Variants in SUZ12 observed in about 807,000 individuals in gnomAD.
SUZ12 encodes SUZ12 polycomb repressive complex 2 subunit, also known as polycomb protein SUZ12.
SUZ12 carries 17 observed loss-of-function variants against 87.3 expected under a neutral mutation model. The observed-to-expected ratio is 0.19, with a 90% CI of 0.13 to 0.29. The LOEUF is 0.29. SUZ12 is among the 10% of genes least tolerant of loss of function. The probability of loss-of-function intolerance (pLI) is 1.00; values close to 1 mark genes in which losing one functional copy is unlikely to be tolerated. For synonymous variants in SUZ12, 253 were observed against 312.4 expected, an observed-to-expected ratio of 0.81 and a Z score of 2.01; for missense variants, 526 against 912.2, an observed-to-expected ratio of 0.58 and a Z score of 5.45.
intron 10 of SUZ12, among the ~76,000 whole-genome samples, chr17:31,989,593 GT>G (rs11343645): frequency 0.24 from 35,917 of 149,216 alleles, 5,717 homozygotes; most frequent in African/African-American, 0.47. Context: ...GTTTTTTTTT[GT>G]TTTTTTTGTT....
chr17:31,979,130 T>TAAAAAAAAAG lies in SUZ12; in HGVS notation c.917+2516_917+2517insAAAAAAAAAG, dbSNP rs1567830380. On this transcript the variant is annotated intron_variant, in intron 8 of 15. Coordinates refer to ENST00000322652, the MANE Select transcript of SUZ12 (RefSeq NM_015355.4). ...AAAAAAAAAAAAAAAAAAAAAGAAT[T>TAAAAAAAAAG]CAAAACGATAGGAAAGTTGAAAGAA... is the stretch of plus-strand genomic sequence containing the variant. Among the ~76,000 whole-genome samples the TAAAAAAAAAG allele has an allele frequency of 1.7e-5, 2 of 116,096 alleles. 1 individual carries two copies. The highest frequency in any genetic ancestry group is 6.6e-4 in the South Asian group (2 of 3,026). 76.2% of individuals were successfully genotyped at this position (116,096 alleles called of 152,430 possible). A position where few individuals can be genotyped will look rare whatever the true frequency, so the allele number is the denominator to read the frequency against.
chr17:31,950,076 A>G (rs989400427), intron 4 of SUZ12, among the ~76,000 whole-genome samples: 2 of 151,494 alleles, frequency 1.3e-5, no homozygotes, highest in African/African-American at 2.4e-5. Flanking sequence ...GCTCACTGCA[A>G]CCTCTGCCTC....
At chr17:31,952,329 G>A (rs1907037474) in intron 4 of SUZ12, among the ~76,000 whole-genome samples, 1 of 152,104 alleles carries the variant, frequency 6.6e-6, no homozygotes, top group South Asian at 2.1e-4. Context: ...CAAAGTTCCG[G>A]GATTACAGGT....
At chr17:31,965,167 T>C (rs1374569354) in intron 4 of SUZ12, among the ~76,000 whole-genome samples, 2 of 152,100 alleles carry the variant, frequency 1.3e-5, no homozygotes, top group African/African-American at 2.4e-5. Flanking sequence ...TATATATATA[T>C]GCCCTTTACT....
chr17:31,977,514 G>A (rs1419867780), intron 8 of SUZ12, among the ~76,000 whole-genome samples: 5 of 152,028 alleles, frequency 3.3e-5, no homozygotes, highest in Non-Finnish European at 5.9e-5. Flanking sequence ...TCCTCATCTC[G>A]TGATCCGCCT....
intron 3 of SUZ12, among the ~76,000 whole-genome samples, chr17:31,941,225 CTTA>C (rs1314850164): frequency 6.6e-6 from 1 of 150,486 alleles, no homozygotes; most frequent in East Asian, 2.0e-4. Flanking sequence ...CCTCAGCCTC[CTTA>C]TTTTTTTTTT....
intron 9 of SUZ12, 80 bp from the exon 10 acceptor site, chr17:31,988,237 TATA>T: frequency 1.5e-6 from 2 of 1,343,908 alleles, no homozygotes; most frequent in Non-Finnish European, 2.0e-6. Context: ...CACATTGACT[TATA>T]ATGAATTTTT....
intron 3 of SUZ12, among the ~76,000 whole-genome samples, chr17:31,942,181 G>C (rs1906336104): frequency 6.6e-6 from 1 of 151,876 alleles, no homozygotes; most frequent in African/African-American, 2.4e-5. Context: ...TTTGATAGAA[G>C]TTGAGGATTT....
At chr17:31,955,162 T>C (rs1382186151) in intron 4 of SUZ12, among the ~76,000 whole-genome samples, 2 of 152,136 alleles carry the variant, frequency 1.3e-5, no homozygotes, top group Non-Finnish European at 2.9e-5. Flanking sequence ...AGTACAGTGG[T>C]GTGATCATGG....
intron 4 of SUZ12, among the ~76,000 whole-genome samples, chr17:31,949,669 CCCCCCCCTTTTTTT>C (rs1906835142): frequency 1.3e-5 from 1 of 77,796 alleles, no homozygotes; most frequent in African/African-American, 5.0e-5. Context: ...AGCCCCCCCC[CCCCCCCCTTTTTTT>C]TTTTTTTTTT....
intron 4 of SUZ12, among the ~76,000 whole-genome samples, chr17:31,961,228 T>C (rs1392667773): frequency 6.7e-6 from 1 of 149,488 alleles, no homozygotes; most frequent in African/African-American, 2.5e-5. Context: ...AAAAAAAAAT[T>C]CTTTCTCACA....
intron 5 of SUZ12, among the ~76,000 whole-genome samples, chr17:31,971,855 C>A (rs1188960084): frequency 6.6e-6 from 1 of 152,178 alleles, no homozygotes; most frequent in Non-Finnish European, 1.5e-5. Flanking sequence ...TTGCATGTGC[C>A]TGTAGTCTCA....
chr17:31,958,917 C>T (rs1907532332), intron 4 of SUZ12, among the ~76,000 whole-genome samples: 1 of 152,112 alleles, frequency 6.6e-6, no homozygotes, highest in Admixed American at 6.6e-5. Flanking sequence ...ACTCGGGAGG[C>T]TGAGGCAGGA....
At chr17:31,957,685 G>A (rs936027798) in intron 4 of SUZ12, among the ~76,000 whole-genome samples, 5 of 149,242 alleles carry the variant, frequency 3.4e-5, no homozygotes, top group African/African-American at 1.3e-4. Context: ...TGCTGGGATT[G>A]TAGCCGTAAG....
chr17:31,976,836 C>T (rs552128195), intron 8 of SUZ12, among the ~76,000 whole-genome samples: 1 of 152,194 alleles, frequency 6.6e-6, no homozygotes, highest in Admixed American at 6.5e-5. Flanking sequence ...ACTTATTTGG[C>T]GAATATTTTC....
chr17:31,945,242 A>G (rs756478636), intron 3 of SUZ12, among the ~76,000 whole-genome samples: 5 of 152,138 alleles, frequency 3.3e-5, no homozygotes, highest in Non-Finnish European at 7.4e-5. Flanking sequence ...TCGTTTCTCA[A>G]AATGTTTTCA....
intron 3 of SUZ12, among the ~76,000 whole-genome samples, chr17:31,940,811 G>A (rs193070465): frequency 1.3e-5 from 2 of 151,704 alleles, no homozygotes; most frequent in South Asian, 2.1e-4. Context: ...TCAGGAGTTC[G>A]AGACCAGTTT....
At chr17:31,984,072 G>A (rs186304733) in intron 9 of SUZ12, among the ~76,000 whole-genome samples, 4 of 152,104 alleles carry the variant, frequency 2.6e-5, no homozygotes, top group African/African-American at 9.6e-5. Context: ...TAATACTAAG[G>A]GAAATTTTAG....
At chr17:31,963,223 C>T (rs76157076) in intron 4 of SUZ12, among the ~76,000 whole-genome samples, 22,059 of 142,080 alleles carry the variant, frequency 0.16, no homozygotes, top group African/African-American at 0.3. Flanking sequence ...TGGCTCACTG[C>T]AGCCTCCACC....
Sources: gnomAD v4.1 joint callset for allele counts (sites outside exome capture counted in the v4.1 genomes callset) on GRCh38, gnomAD v4.1.1 for gene constraint, MANE v1.5 for transcripts, NCBI Gene and HGNC (gene_info 2026-07-23, HGNC 2026-07-21) for gene names.